The following PTPRD variants were observed in gnomAD, a reference collection of about 807,000 sequenced individuals.
The protein encoded by PTPRD is protein tyrosine phosphatase receptor type D, also known as receptor-type tyrosine-protein phosphatase delta.
In PTPRD, 34 loss-of-function variants were observed where a neutral mutation model predicts 214.5. The observed-to-expected ratio is 0.16, with a 90% CI of 0.12 to 0.21. PTPRD has a LOEUF of 0.21. PTPRD is among the 10% of genes least tolerant of loss of function. The pLI, the probability that PTPRD is intolerant of heterozygous loss-of-function variation, is 1.00. For missense variants in PTPRD, 2,545 were observed against 2,398.7 expected, an observed-to-expected ratio of 1.06 and a Z score of -1.27; for synonymous variants, 1,128 against 845.7, an observed-to-expected ratio of 1.33 and a Z score of -5.79.
At chr9:9,209,253 T>G (rs2099947012) in intron 9 of PTPRD, among the ~76,000 whole-genome samples, 1 of 152,192 alleles carries the variant, frequency 6.6e-6, no homozygotes, top group Non-Finnish European at 1.5e-5. Flanking sequence ...AAGACACTAT[T>G]GTTAAGCAAT....
chr9:9,525,385 A>G (rs2073885905), intron 8 of PTPRD, among the ~76,000 whole-genome samples: 1 of 152,220 alleles, frequency 6.6e-6, no homozygotes, highest in Non-Finnish European at 1.5e-5. Flanking sequence ...GCTAATCTTC[A>G]GTATACTGCA....
At chr9:8,800,543 C>G (rs1001880984) in intron 11 of PTPRD, among the ~76,000 whole-genome samples, 2 of 152,154 alleles carry the variant, frequency 1.3e-5, no homozygotes, top group South Asian at 4.1e-4. Context: ...TACACTCCCA[C>G]CAACACTATG....
At chr9:8,926,470 C>T (rs770402459) in intron 11 of PTPRD, among the ~76,000 whole-genome samples, 2 of 152,008 alleles carry the variant, frequency 1.3e-5, no homozygotes, top group Non-Finnish European at 2.9e-5. Flanking sequence ...AGCGTCTGTC[C>T]ACTTCATGGT....
intron 9 of PTPRD, among the ~76,000 whole-genome samples, chr9:9,333,904 A>C (rs1320366581): frequency 6.6e-6 from 1 of 151,956 alleles, no homozygotes; most frequent in Non-Finnish European, 1.5e-5. Context: ...AAAGAGAAGA[A>C]AATATTGATG....
intron 11 of PTPRD, among the ~76,000 whole-genome samples, chr9:8,972,949 T>C (rs969377001): frequency 1.3e-5 from 2 of 151,870 alleles, no homozygotes; most frequent in Admixed American, 1.3e-4. Context: ...GTAGATAAAA[T>C]TTAAGTTTCT....
At chr9:9,921,599 G>A (rs1222783976) in intron 5 of PTPRD, among the ~76,000 whole-genome samples, 1 of 149,442 alleles carries the variant, frequency 6.7e-6, no homozygotes, top group African/African-American at 2.5e-5. Context: ...ACTGCTCAGG[G>A]GAAAAAAATG....
At chr9:10,421,897 A>T (rs924098738) in intron 2 of PTPRD, among the ~76,000 whole-genome samples, 1 of 151,764 alleles carries the variant, frequency 6.6e-6, no homozygotes, top group South Asian at 2.1e-4. Flanking sequence ...CATCCAGAAA[A>T]CTCTGTGGGA....
At chr9:9,084,317 C>T (rs1005198516) in intron 10 of PTPRD, among the ~76,000 whole-genome samples, 2 of 152,132 alleles carry the variant, frequency 1.3e-5, no homozygotes, top group Admixed American at 6.5e-5. Context: ...AAACCAAACA[C>T]CGCATGTTCT....
At chr9:10,002,186 T>C (rs1353092890) in intron 4 of PTPRD, among the ~76,000 whole-genome samples, 2 of 149,968 alleles carry the variant, frequency 1.3e-5, no homozygotes, top group African/African-American at 4.9e-5. Flanking sequence ...ATAAATAACA[T>C]AGGAACCAAA....
At chr9:9,755,869 C>A (rs761212621) in intron 6 of PTPRD, among the ~76,000 whole-genome samples, 3 of 151,924 alleles carry the variant, frequency 2.0e-5, no homozygotes, top group African/African-American at 7.2e-5. Flanking sequence ...CATATATAAA[C>A]ATAAAACATA....
intron 3 of PTPRD, among the ~76,000 whole-genome samples, chr9:10,257,376 C>T (rs1006353789): frequency 1.3e-5 from 2 of 152,108 alleles, no homozygotes; most frequent in African/African-American, 4.8e-5. Flanking sequence ...GAGAAAGGCT[C>T]CCAGGGGCTA....
In PTPRD at chr9:9,522,261, AT is replaced by A. The variant is rs552008062; in HGVS notation, c.-237+52470del. 2.5e-3 allele frequency among the ~76,000 whole-genome samples: 375 copies of A among 151,292 alleles called. 3 individuals carry two copies. The highest frequency in any genetic ancestry group is 8.7e-3 in the African/African-American group (358 of 41,204). ...AGATCCTTGTTATTTCATTTCATGT[AT>A]TTATTAGTTTGCTGTTTGACTAGTA... On this transcript the variant is annotated intron_variant, in intron 8 of 45. Coordinates refer to ENST00000381196, the MANE Select transcript of PTPRD (RefSeq NM_002839.4).
At chr9:8,518,452 A>G in intron 20 of PTPRD, 23 bp from the exon 21 acceptor site, 1 of 1,490,392 alleles carries the variant, frequency 6.7e-7, no homozygotes, top group Non-Finnish European at 9.1e-7. Context: ...AAGATAAAAG[A>G]CAATGACTAC....
chr9:9,552,238 A>C (rs962010271), intron 8 of PTPRD, among the ~76,000 whole-genome samples: 1 of 152,060 alleles, frequency 6.6e-6, no homozygotes, highest in Non-Finnish European at 1.5e-5. Context: ...GCCATCTCTT[A>C]ACAAAACAGA....
intron 8 of PTPRD, among the ~76,000 whole-genome samples, chr9:9,416,941 T>C (rs183242791): frequency 2.0e-5 from 3 of 152,298 alleles, no homozygotes; most frequent in East Asian, 3.9e-4. Flanking sequence ...TTTCACAATA[T>C]AAATTGTGTC....
intron 5 of PTPRD, among the ~76,000 whole-genome samples, chr9:9,882,756 G>T (rs2069223570): frequency 6.6e-6 from 1 of 151,806 alleles, no homozygotes; most frequent in Non-Finnish European, 1.5e-5. Context: ...GACCCACCCT[G>T]ATGTGATTTG....
intron 4 of PTPRD, among the ~76,000 whole-genome samples, chr9:9,985,018 G>A (rs1055544805): frequency 6.6e-6 from 1 of 152,156 alleles, no homozygotes; most frequent in Admixed American, 6.5e-5. Context: ...TTATCACACA[G>A]CATATATTAA....
At chr9:9,980,671 G>GA (rs920403748) in intron 4 of PTPRD, among the ~76,000 whole-genome samples, 1 of 98,404 alleles carries the variant, frequency 1.0e-5, no homozygotes. Context: ...AAATTCTTAG[G>GA]AAAAAAAAGT....
intron 5 of PTPRD, among the ~76,000 whole-genome samples, chr9:9,900,387 C>T (rs1274105549): frequency 6.6e-6 from 1 of 152,132 alleles, no homozygotes; most frequent in African/African-American, 2.4e-5. Context: ...GGGCATGGAC[C>T]CAATTTAGCC....
Sources: allele counts gnomAD v4.1 joint callset (sites outside exome capture counted in the v4.1 genomes callset), GRCh38; gene constraint gnomAD v4.1.1; transcripts MANE v1.5; gene names NCBI Gene and HGNC (gene_info 2026-07-23, HGNC 2026-07-21).